TLE1: variants seen among roughly 807,000 people sequenced by gnomAD.
The protein encoded by TLE1 is TLE family member 1, transcriptional corepressor.
A neutral mutation model predicts 89.8 loss-of-function variants in TLE1; 21 were observed. That is an observed-to-expected ratio of 0.23 (90% CI 0.17 to 0.34). The LOEUF (loss-of-function observed/expected upper bound fraction) is 0.34. Ranked by LOEUF, TLE1 falls within the 10% of genes least tolerant of loss-of-function variation. TLE1 has a pLI of 1.00. For missense variants in TLE1, 795 were observed against 1,031.2 expected (o/e 0.77, Z 3.14); for synonymous variants, 447 against 407.6 (o/e 1.10, Z -1.16).
At chr9:81,610,826 T>C (rs535718854) in intron 13 of TLE1, among the ~76,000 whole-genome samples, 2 of 141,430 alleles carry the variant, frequency 1.4e-5, no homozygotes, top group African/African-American at 5.3e-5. Flanking sequence ...TCATCCCCAG[T>C]TGCATACATG....
intron 9 of TLE1, among the ~76,000 whole-genome samples, chr9:81,619,106 C>T (rs1824918019): frequency 6.6e-6 from 1 of 152,176 alleles, no homozygotes; most frequent in African/African-American, 2.4e-5. Context: ...TCTACATCAG[C>T]AAATCTCTGC....
At chr9:81,676,483 C>G (rs1049585142) in intron 4 of TLE1, among the ~76,000 whole-genome samples, 2 of 152,124 alleles carry the variant, frequency 1.3e-5, no homozygotes, top group Non-Finnish European at 1.5e-5. Flanking sequence ...AAGGTTGATA[C>G]AAAAGCCTGG....
intron 1 of TLE1, among the ~76,000 whole-genome samples, chr9:81,687,772 G>A (rs1412043252): frequency 2.6e-5 from 4 of 152,052 alleles, no homozygotes; most frequent in East Asian, 2.0e-4. Flanking sequence ...CCACGGCGGC[G>A]ATAATGACCC....
At chr9:81,629,344 T>C (rs2132293744) in intron 8 of TLE1, among the ~76,000 whole-genome samples, 1 of 152,326 alleles carries the variant, frequency 6.6e-6, no homozygotes, top group South Asian at 2.1e-4. Context: ...TACTACTGAA[T>C]GCTACTAAGA....
Position 81,655,267 on chromosome 9 carries a change from G to A in TLE1, c.235-1231C>T, listed in dbSNP as rs553980644. Among the ~76,000 whole-genome samples the A allele has an allele frequency of 1.5e-3, 221 of 152,172 alleles. 1 individual carries two copies. The highest frequency in any genetic ancestry group is 3.1e-3 in the South Asian group (15 of 4,804). On this transcript the variant is annotated intron_variant, in intron 4 of 19. Coordinates refer to ENST00000376499, the MANE Select transcript of TLE1 (RefSeq NM_005077.5). ...TAATACCAGCTACTCGGGAGGCTGCGGCAGAGAACTGCTTGAACGAGGGAG... is the reference window on the plus strand; with the variant it reads ...TAATACCAGCTACTCGGGAGGCTGCAGCAGAGAACTGCTTGAACGAGGGAG...
intron 14 of TLE1, among the ~76,000 whole-genome samples, chr9:81,607,081 A>G (rs1023468329): frequency 6.8e-6 from 1 of 148,100 alleles, no homozygotes; most frequent in African/African-American, 2.5e-5. Context: ...AAAAATGGAG[A>G]GAGAGAGAGA....
chr9:81,642,927 G>C (rs945832772), intron 6 of TLE1, among the ~76,000 whole-genome samples: 1 of 152,144 alleles, frequency 6.6e-6, no homozygotes, highest in African/African-American at 2.4e-5. Context: ...TACCACTTAC[G>C]ACAACATGGG....
At chr9:81,609,594 T>G (rs1189813886) in intron 14 of TLE1, among the ~76,000 whole-genome samples, 1 of 152,196 alleles carries the variant, frequency 6.6e-6, no homozygotes, top group Non-Finnish European at 1.5e-5. Flanking sequence ...AATTCTTTTG[T>G]GCACTGGACA....
intron 8 of TLE1, among the ~76,000 whole-genome samples, chr9:81,630,462 C>T (rs1297855933): frequency 6.6e-6 from 1 of 152,146 alleles, no homozygotes; most frequent in African/African-American, 2.4e-5. Context: ...AATTAAGTAG[C>T]TCTTCATCTG....
chr9:81,652,815 T>C (rs1473522464), intron 5 of TLE1, among the ~76,000 whole-genome samples: 1 of 152,112 alleles, frequency 6.6e-6, no homozygotes, highest in Non-Finnish European at 1.5e-5. Flanking sequence ...TTTTAATACC[T>C]AAAACTTTAA....
chr9:81,676,441 G>C (rs2133046546), intron 4 of TLE1, among the ~76,000 whole-genome samples: 1 of 152,338 alleles, frequency 6.6e-6, no homozygotes, highest in Non-Finnish European at 1.5e-5. Flanking sequence ...TGTTTGAACT[G>C]GGACTTGAAG....
intron 9 of TLE1, among the ~76,000 whole-genome samples, chr9:81,620,109 G>C (rs1442580705): frequency 1.3e-5 from 2 of 152,068 alleles, no homozygotes; most frequent in Non-Finnish European, 2.9e-5. Context: ...AAGATGGTGA[G>C]ATCAGAGCAT....
At chr9:81,672,382 G>A (rs1244813453) in intron 4 of TLE1, among the ~76,000 whole-genome samples, 1 of 151,610 alleles carries the variant, frequency 6.6e-6, no homozygotes, top group Non-Finnish European at 1.5e-5. Context: ...TGCCCAGGCT[G>A]GAGTGTGATG....
rs1358241412 is a variant in TLE1 at position 81,584,543 on chromosome 9, T to C, written c.2129-19A>G. 1 of 1,611,238 alleles carries C rather than the reference T, an allele frequency of 6.2e-7. No homozygotes were observed. ...CATTTACCTAGAATTAGCAAAGGAATATCTAGTTTTCACAAGGTTAAAATT... is the reference window on the plus strand; with the variant it reads ...CATTTACCTAGAATTAGCAAAGGAACATCTAGTTTTCACAAGGTTAAAATT... On this transcript the variant is annotated intron_variant, in intron 18 of 19. Transcript: ENST00000376499.
chr9:81,633,529 C>T, intron 7 of TLE1, 165 bp from the exon 8 acceptor site: 2 of 826,460 alleles, frequency 2.4e-6, no homozygotes, highest in Non-Finnish European at 3.7e-6. Flanking sequence ...CAGTGATTTC[C>T]TGAAAATTAC....
At chr9:81,586,244 C>T (rs1478957542) in intron 17 of TLE1, among the ~76,000 whole-genome samples, 3 of 152,138 alleles carry the variant, frequency 2.0e-5, no homozygotes, top group African/African-American at 4.8e-5. Context: ...GTCTCGATCT[C>T]CTGACTTTGT....
intron 6 of TLE1, among the ~76,000 whole-genome samples, chr9:81,648,855 A>C (rs1013137372): frequency 6.6e-6 from 1 of 152,228 alleles, no homozygotes; most frequent in Non-Finnish European, 1.5e-5. Flanking sequence ...AACGATCCTG[A>C]TCTAAAAACT....
At chr9:81,587,031 A>G (rs555077479) in intron 17 of TLE1, among the ~76,000 whole-genome samples, 1 of 152,344 alleles carries the variant, frequency 6.6e-6, no homozygotes, top group Non-Finnish European at 1.5e-5. Context: ...AAAATGGCAA[A>G]CACTGTTTTT....
At chr9:81,589,486 G>A (rs544968588) in intron 16 of TLE1, among the ~76,000 whole-genome samples, 5 of 152,222 alleles carry the variant, frequency 3.3e-5, no homozygotes, top group South Asian at 4.1e-4. Flanking sequence ...TTTGTAAGAC[G>A]CTACCCCATT....
Sources: allele counts gnomAD v4.1 joint callset (sites outside exome capture counted in the v4.1 genomes callset), GRCh38; gene constraint gnomAD v4.1.1; transcripts MANE v1.5; gene names NCBI Gene and HGNC (gene_info 2026-07-23, HGNC 2026-07-21).